Variants in CAPN11 observed in about 807,000 individuals in gnomAD.
CAPN11 encodes the protein calpain 11.
In CAPN11, 108 loss-of-function variants were observed where a neutral mutation model predicts 105.3. That is an observed-to-expected ratio of 1.03 (90% CI 0.88 to 1.20). The LOEUF (loss-of-function observed/expected upper bound fraction) is 1.20, where lower values mean the gene tolerates loss of function less well. CAPN11 is among the 50% of genes most tolerant of loss of function. The probability of loss-of-function intolerance (pLI) is 0.00; values close to 1 mark genes in which losing one functional copy is unlikely to be tolerated. For missense variants in CAPN11, 883 were observed against 924.8 expected, an observed-to-expected ratio of 0.95 and a Z score of 0.59; for synonymous variants, 329 against 344.5, an observed-to-expected ratio of 0.96 and a Z score of 0.50.
chr6:44,176,392 C>T (rs1361373950), intron 9 of CAPN11, 54 bp downstream of exon 9: 1 of 1,499,182 alleles, frequency 6.7e-7, no homozygotes, highest in Non-Finnish European at 9.3e-7. Context: ...CAGGCGGTGC[C>T]AGGTGGACCG....
At chr6:44,169,234 T>G in intron 2 of CAPN11, 47 bp from the exon 3 acceptor site, 1 of 1,547,760 alleles carries the variant, frequency 6.5e-7, no homozygotes, top group Non-Finnish European at 8.7e-7. Flanking sequence ...GTGCCCAGCT[T>G]ATTACATTTT....
At position 44,177,227 on chromosome 6, in the gene CAPN11, C is replaced by G; in HGVS notation, c.1238-15C>G. ...GAAGCCCCCGTATAACCACGCTGAC[C>G]CACTTCCGCCACAGGCACGTTCTGG... On this transcript the variant is annotated splice_polypyrimidine_tract_variant and intron_variant, in intron 11 of 22. Transcript: ENST00000398776. 1.3e-6 allele frequency: 2 copies of G among 1,563,124 alleles called. No individual in the cohort carries two copies.
At chr6:44,173,138 G>A in intron 6 of CAPN11, 65 bp downstream of exon 6, 1 of 1,604,094 alleles carries the variant, frequency 6.2e-7, no homozygotes, top group Non-Finnish European at 8.5e-7. Flanking sequence ...GAATCAGGGG[G>A]AGGGGAGGGG....
chr6:44,177,461 C>A, intron 12 of CAPN11, 41 bp downstream of exon 12: 1 of 1,516,144 alleles, frequency 6.6e-7, no homozygotes, highest in South Asian at 1.2e-5. Flanking sequence ...CACTCTCCCT[C>A]ACCTGACCTC....
intron 12 of CAPN11, among the ~76,000 whole-genome samples, chr6:44,179,163 A>T (rs1772698331): frequency 6.6e-6 from 1 of 152,150 alleles, no homozygotes; most frequent in African/African-American, 2.4e-5. Context: ...CTAGATTTTT[A>T]TCCTAACTCT....
At chr6:44,173,873 G>A (rs974129568) in intron 7 of CAPN11, among the ~76,000 whole-genome samples, 4 of 151,954 alleles carry the variant, frequency 2.6e-5, no homozygotes, top group African/African-American at 9.7e-5. Context: ...CATGAGCCAC[G>A]GTGCCCAGCC....
At chr6:44,170,529 C>T (rs146672147) in intron 4 of CAPN11, among the ~76,000 whole-genome samples, 2 of 152,300 alleles carry the variant, frequency 1.3e-5, no homozygotes, top group African/African-American at 4.8e-5. Context: ...GTCCACGCAA[C>T]GTGGTAGCTT....
chr6:44,173,890 G>C (rs932385280), intron 7 of CAPN11, among the ~76,000 whole-genome samples: 3 of 152,060 alleles, frequency 2.0e-5, no homozygotes, highest in African/African-American at 7.2e-5. Context: ...AGCCAGCCCT[G>C]TTTACTTTCT....
At position 44,172,921 on chromosome 6, in the gene CAPN11, G is replaced by T; in HGVS notation, c.529-19G>T. 6.2e-7 allele frequency: 1 copy of T among 1,612,036 alleles called. No individual in the cohort carries two copies. The highest frequency in any genetic ancestry group is 8.5e-7 in the Non-Finnish European group (1 of 1,178,920). ...ATGATAGGGTTCCCACGCAAGGGGT[G>T]TGTGTTTGCTACCCACAGATTTGGC... is the stretch of plus-strand genomic sequence containing the variant. On this transcript the variant is annotated intron_variant, in intron 5 of 22. Coordinates refer to ENST00000398776, the MANE Select transcript of CAPN11 (RefSeq NM_007058.4).
chr6:44,181,697 CCA>C (rs1773492309), intron 19 of CAPN11, among the ~76,000 whole-genome samples: 1 of 30,930 alleles, frequency 3.2e-5, no homozygotes, highest in East Asian at 3.0e-4. Context: ...CACAACCACA[CCA>C]CACTCACACA....
intron 1 of CAPN11, among the ~76,000 whole-genome samples, chr6:44,159,793 T>C (rs1768374583): frequency 6.6e-6 from 1 of 152,130 alleles, no homozygotes; most frequent in African/African-American, 2.4e-5. Context: ...GAAATCAAAC[T>C]GTCCTTAAAT....
At chr6:44,171,639 G>A (rs1426237597) in intron 4 of CAPN11, among the ~76,000 whole-genome samples, 2 of 152,086 alleles carry the variant, frequency 1.3e-5, no homozygotes, top group Non-Finnish European at 2.9e-5. Context: ...ACCAGCCTAG[G>A]CAGCATAGTG....
Position 44,166,766 on chromosome 6 carries a change from C to G in CAPN11, c.25C>G (p.Leu9Val), listed in dbSNP as rs1769936641. 2 of 1,551,838 alleles carry G rather than the reference C, an allele frequency of 1.3e-6. No homozygotes were observed. The highest frequency in any genetic ancestry group is 2.7e-5 in the African/African-American group (2 of 73,042). The change falls in exon 2 of 23, where the codon CTT (leucine) becomes GTT (valine). Residue 9 changes from leucine (L) to valine (V), a missense_variant. Leu to Val is a conservative substitution (Grantham distance 32). Coordinates refer to ENST00000398776, the MANE Select transcript of CAPN11 (RefSeq NM_007058.4). ...ACTCTTTCTTATTCTAGGGCCGAGT[C>G]TTCCGGAGTCAGCAGAGAGCCTGGA... MLYSPGPS[L>V]PESAESLDGS...
intron 1 of CAPN11, among the ~76,000 whole-genome samples, chr6:44,161,176 G>A (rs1408263038): frequency 2.9e-5 from 3 of 102,882 alleles, no homozygotes; most frequent in African/African-American, 1.3e-4. Flanking sequence ...TTTTCTTTTG[G>A]GTTTTTTTTT....
At chr6:44,183,652 C>G (rs531212113) in intron 21 of CAPN11, 53 bp from the exon 22 acceptor site, 17 of 1,565,990 alleles carry the variant, frequency 1.1e-5, no homozygotes, top group African/African-American at 1.4e-5. Flanking sequence ...GTGGTTCTTT[C>G]GGAACACTGA....
chr6:44,179,702 G>A, intron 13 of CAPN11, 72 bp downstream of exon 13: 1 of 1,512,702 alleles, frequency 6.6e-7, no homozygotes, highest in Non-Finnish European at 9.2e-7. Context: ...AAGTGGATTG[G>A]CAAAGGGTGG....
chr6:44,175,497 C>T (rs372690107), intron 7 of CAPN11, among the ~76,000 whole-genome samples: 1 of 151,346 alleles, frequency 6.6e-6, no homozygotes, highest in East Asian at 2.0e-4. Flanking sequence ...ATAATAAAGC[C>T]GGGTGCGGTG....
At chr6:44,178,291 G>T (rs1192078955) in intron 12 of CAPN11, among the ~76,000 whole-genome samples, 1 of 152,056 alleles carries the variant, frequency 6.6e-6, no homozygotes, top group East Asian at 1.9e-4. Flanking sequence ...TGATTCCCAG[G>T]CGCTCTGAGA....
chr6:44,182,826 G>T, intron 19 of CAPN11, 115 bp from the exon 20 acceptor site: 1 of 715,894 alleles, frequency 1.4e-6, no homozygotes, highest in Non-Finnish European at 2.5e-6. Flanking sequence ...CGCCTGCCTC[G>T]GCCTTTCAAA....
Sources: allele counts gnomAD v4.1 joint callset (sites outside exome capture counted in the v4.1 genomes callset), GRCh38; gene constraint gnomAD v4.1.1; transcripts MANE v1.5; gene names NCBI Gene and HGNC (gene_info 2026-07-23, HGNC 2026-07-21).